The following RASAL2 variants were observed in gnomAD, a reference collection of about 807,000 sequenced individuals.
The protein encoded by RASAL2 is RAS protein activator like 2.
Under a neutral mutation model 128.9 loss-of-function variants are expected in RASAL2, and 58 were observed. The observed-to-expected ratio is 0.45, with a 90% confidence interval of 0.36 to 0.56. The LOEUF (loss-of-function observed/expected upper bound fraction) is 0.56, where lower values mean the gene tolerates loss of function less well. Among genes scored for constraint, RASAL2 ranks in the 20% least tolerant of loss-of-function variants. The probability of loss-of-function intolerance (pLI) is 0.00; values close to 1 mark genes in which losing one functional copy is unlikely to be tolerated. For missense variants in RASAL2, 1,360 were observed against 1,601.6 expected, an observed-to-expected ratio of 0.85 and a Z score of 2.57; for synonymous variants, 561 against 580.8, an observed-to-expected ratio of 0.97 and a Z score of 0.49.
chr1:178,258,293 C>CAAAAAAAAAAAAAAAAAAAAA (rs993642772), intron 1 of RASAL2, among the ~76,000 whole-genome samples: 1 of 69,406 alleles, frequency 1.4e-5, no homozygotes, highest in Non-Finnish European at 3.0e-5. Context: ...GACTGCATCT[C>CAAAAAAAAAAAAAAAAAAAAA]AAAAAAAAAA....
At chr1:178,250,189 C>T (rs1233355319) in intron 1 of RASAL2, among the ~76,000 whole-genome samples, 1 of 152,168 alleles carries the variant, frequency 6.6e-6, no homozygotes, top group Non-Finnish European at 1.5e-5. Flanking sequence ...CGCCCCTTCC[C>T]CCAGGGTGCT....
At chr1:178,322,003 AT>A (rs1320932701) in intron 3 of RASAL2, among the ~76,000 whole-genome samples, 12 of 149,138 alleles carry the variant, frequency 8.0e-5, no homozygotes, top group South Asian at 6.5e-4. Context: ...AAAAAAAAAA[AT>A]TTTTTTTTGG....
At chr1:178,327,459 C>T (rs2102355998) in intron 3 of RASAL2, among the ~76,000 whole-genome samples, 1 of 152,286 alleles carries the variant, frequency 6.6e-6, no homozygotes, top group East Asian at 1.9e-4. Flanking sequence ...AATCCTCCCA[C>T]TTCAGCCTCC....
At chr1:178,207,000 C>T (rs912318455) in intron 1 of RASAL2, among the ~76,000 whole-genome samples, 8 of 151,850 alleles carry the variant, frequency 5.3e-5, no homozygotes, top group African/African-American at 1.9e-4. Flanking sequence ...CATAGCAAGA[C>T]CTTGTCTTTC....
At chr1:178,194,227 A>C (rs1284236973) in intron 1 of RASAL2, 2 of 163,326 alleles carry the variant, frequency 1.2e-5, no homozygotes, top group Admixed American at 1.2e-4. Context: ...ATTTGAGTGA[A>C]ATATGGAATG....
At position 178,341,736 on chromosome 1, in the gene RASAL2, G is replaced by A. The variant is rs1332581960; in HGVS notation, c.457+41618G>A. On this transcript the variant is annotated intron_variant, in intron 3 of 17. Coordinates refer to ENST00000367649, the MANE Select transcript of RASAL2 (RefSeq NM_170692.4). The stretch of plus-strand genomic sequence containing the variant: ...ATTATTGGCTTTAAAAAAATAGGTT[G>A]GTTTTTATTGCTGTGAGTTCACAGA... 6 of 1,332,936 alleles carry A rather than the reference G, an allele frequency of 4.5e-6. No individual in the cohort carries two copies. In the East Asian group the frequency reaches 1.5e-4, roughly 33 times the overall value. 82.6% of individuals were successfully genotyped at this position (1,332,936 alleles called of 1,614,324 possible).
At chr1:178,376,898 T>C (rs923507391) in intron 3 of RASAL2, among the ~76,000 whole-genome samples, 7 of 152,284 alleles carry the variant, frequency 4.6e-5, no homozygotes, top group African/African-American at 1.4e-4. Flanking sequence ...CAGCTTTTTT[T>C]CCCTCTTATT....
At chr1:178,314,975 T>C (rs1330543463) in intron 3 of RASAL2, among the ~76,000 whole-genome samples, 1 of 136,922 alleles carries the variant, frequency 7.3e-6, no homozygotes, top group Non-Finnish European at 1.5e-5. Context: ...GAGTGTGATA[T>C]TCCCCTTCCT....
chr1:178,415,694 G>A (rs1001689279), intron 4 of RASAL2, among the ~76,000 whole-genome samples: 1 of 152,040 alleles, frequency 6.6e-6, no homozygotes, highest in African/African-American at 2.4e-5. Flanking sequence ...AGATTTATCT[G>A]TTTCTCCTAG....
chr1:178,118,715 T>C (rs1478462262), intron 1 of RASAL2, among the ~76,000 whole-genome samples: 1 of 152,204 alleles, frequency 6.6e-6, no homozygotes, highest in Non-Finnish European at 1.5e-5. Flanking sequence ...GAAATCCCAA[T>C]GTTCACTCAT....
At chr1:178,332,925 A>G (rs1482455350) in intron 3 of RASAL2, among the ~76,000 whole-genome samples, 1 of 151,144 alleles carries the variant, frequency 6.6e-6, no homozygotes, top group African/African-American at 2.4e-5. Context: ...TTCTTATACA[A>G]AGATATTCCT....
At chr1:178,137,483 T>A (rs1660368429) in intron 1 of RASAL2, among the ~76,000 whole-genome samples, 1 of 152,216 alleles carries the variant, frequency 6.6e-6, no homozygotes, top group Non-Finnish European at 1.5e-5. Context: ...GTTTTTACTG[T>A]GCTGAAGCAG....
chr1:178,441,532 T>C lies in RASAL2; in HGVS notation c.829-17T>C, dbSNP rs1365596503. 1 of 1,596,434 alleles carries C rather than the reference T, an allele frequency of 6.3e-7. No homozygotes were observed. Among genetic ancestry groups the C allele is most frequent in the African/African-American group, 1.3e-5 (1 of 74,466 alleles). On this transcript the variant is annotated splice_polypyrimidine_tract_variant and intron_variant, in intron 6 of 17. Coordinates refer to ENST00000367649, the MANE Select transcript of RASAL2 (RefSeq NM_170692.4). ...TCCAGTGTTTTCTTTTTCTTATGTC[T>C]AATTTTTATGTTGAAGGTTACCTAC...
intron 3 of RASAL2, among the ~76,000 whole-genome samples, chr1:178,361,608 T>G (rs1341638999): frequency 1.3e-5 from 2 of 152,070 alleles, no homozygotes; most frequent in Non-Finnish European, 2.9e-5. Flanking sequence ...GTACAGACTT[T>G]TGTTCTCATC....
intron 3 of RASAL2, among the ~76,000 whole-genome samples, chr1:178,314,913 A>G (rs959656877): frequency 1.4e-5 from 2 of 143,880 alleles, no homozygotes; most frequent in Non-Finnish European, 3.0e-5. Context: ...AGCATTAGGT[A>G]TATCTCCCAA....
chr1:178,430,342 G>T (rs1176501473), intron 5 of RASAL2, among the ~76,000 whole-genome samples: 1 of 151,998 alleles, frequency 6.6e-6, no homozygotes, highest in Non-Finnish European at 1.5e-5. Context: ...TTAGTTTTAT[G>T]AACTAAAACC....
At chr1:178,410,377 A>G (rs184526502) in intron 4 of RASAL2, among the ~76,000 whole-genome samples, 3 of 152,278 alleles carry the variant, frequency 2.0e-5, no homozygotes, top group African/African-American at 7.2e-5. Context: ...TCAACTCAAG[A>G]TGGATCAAAG....
chr1:178,456,804 G>T lies in RASAL2; in HGVS notation c.2295G>T (p.Gln765His). ...TGACTAATCCTACGCCAATACAACAGCAACTGAGACGCTTCACTGAACATA... is the reference window on the plus strand; with the variant it reads ...TGACTAATCCTACGCCAATACAACATCAACTGAGACGCTTCACTGAACATA... Reference protein sequence around the residue: ...KSLTNPTPIQQQLRRFTEHNS... With the variant: ...KSLTNPTPIQHQLRRFTEHNS... The change falls in exon 13 of 18, where the codon CAG (glutamine) becomes CAT (histidine). Residue 765 changes from glutamine to histidine, a missense_variant. Gln to His is a conservative substitution (Grantham distance 24). Coordinates refer to ENST00000367649, the MANE Select transcript of RASAL2 (RefSeq NM_170692.4). The T allele has an allele frequency of 6.2e-7, 1 of 1,614,112 alleles. No homozygotes were observed. Among genetic ancestry groups the T allele is most frequent in the Non-Finnish European group, 8.5e-7 (1 of 1,180,034 alleles).
At position 178,300,072 on chromosome 1, in the gene RASAL2, C is replaced by T. The variant is rs138135953; in HGVS notation, c.411C>T (p.Ser137=). 24 of 1,613,872 alleles carry T rather than the reference C, an allele frequency of 1.5e-5. No homozygotes were observed. Among genetic ancestry groups the T allele is most frequent in the East Asian group, 1.3e-4 (6 of 44,866 alleles). Residue 137 remains serine (S), a synonymous_variant, in exon 3 of 18, where the codon TCC becomes TCT. Transcript: ENST00000367649. ...RCLRRTVSVP[S]EGQFPEYPPE... ...TGAGGAGAACTGTCAGTGTCCCTTC[C>T]GAGGGTCAGTTTCCCGAGTACCCAC...
Sources: allele counts gnomAD v4.1 joint callset (sites outside exome capture counted in the v4.1 genomes callset), GRCh38; gene constraint gnomAD v4.1.1; transcripts MANE v1.5; gene names NCBI Gene and HGNC (gene_info 2026-07-23, HGNC 2026-07-21).